PLD6: variants seen among roughly 807,000 people sequenced by gnomAD.
PLD6 encodes phospholipase D family member 6, also known as mitochondrial cardiolipin hydrolase.
PLD6 carries 10 observed loss-of-function variants against 9.7 expected under a neutral mutation model. That is an observed-to-expected ratio of 1.03 (90% confidence interval 0.64 to 1.75). The LOEUF (loss-of-function observed/expected upper bound fraction) is 1.75. Ranked by LOEUF, PLD6 falls within the 40% of genes most tolerant of loss-of-function variation. PLD6 has a pLI of 0.00. For synonymous variants in PLD6, 152 were observed against 159.2 expected, an observed-to-expected ratio of 0.96 and a Z score of 0.34; for missense variants, 334 against 347.6, an observed-to-expected ratio of 0.96 and a Z score of 0.31.
Position 17,202,608 on chromosome 17 carries a change from T to C in PLD6, c.*159A>G, listed in dbSNP as rs2144778402. ...AGAAAAAGGTCTGGCCCGAAATAACTGACCCGAAGTAACAGAAATTTCCCT... is the reference window on the plus strand; with the variant it reads ...AGAAAAAGGTCTGGCCCGAAATAACCGACCCGAAGTAACAGAAATTTCCCT... On this transcript the variant is annotated 3_prime_UTR_variant, in exon 2 of 2. Coordinates refer to ENST00000321560, the MANE Select transcript of PLD6 (RefSeq NM_178836.4). The C allele has an allele frequency of 1.3e-6, 1 of 742,292 alleles. No individual in the cohort carries two copies. The highest frequency in any genetic ancestry group is 2.1e-6 in the Non-Finnish European group (1 of 466,120). 46.0% of individuals were successfully genotyped at this position (742,292 alleles called of 1,614,324 possible). A position where few individuals can be genotyped will look rare whatever the true frequency, so the allele number is the denominator to read the frequency against.
In PLD6 at chr17:17,202,985, T is replaced by A; in HGVS notation, c.541A>T (p.Asn181Tyr). 1 of 1,614,212 alleles carries A rather than the reference T, an allele frequency of 6.2e-7. No homozygotes were observed. Among genetic ancestry groups the A allele is most frequent in the Non-Finnish European group, 8.5e-7 (1 of 1,180,040 alleles). ...GTGATGAGAACATTCTCCCTGTTGT[T>A]CTGGATGGCTTGCGTGGTCCAGTTG... is the stretch of plus-strand genomic sequence containing the variant. ...SLNWTTQAIQ[N>Y]NRENVLITED... is the part of the protein sequence containing the mutation. The change falls in exon 2 of 2, where the codon AAC (asparagine) becomes TAC (tyrosine). Residue 181 changes from asparagine (N) to tyrosine (Y), a missense_variant. Transcript: ENST00000321560.
intron 1 of PLD6, among the ~76,000 whole-genome samples, chr17:17,205,265 C>T (rs1361827966): frequency 6.6e-6 from 1 of 152,204 alleles, no homozygotes; most frequent in Non-Finnish European, 1.5e-5. Context: ...TGTTCCCCTC[C>T]TTTTGCAGCT....
rs563834117 is a variant in PLD6, at chr17:17,205,940, C to T, written c.347G>A (p.Arg116His). The change falls in exon 1 of 2, where the codon CGT becomes CAT. Residue 116 changes from arginine to histidine, a missense_variant. Coordinates refer to ENST00000321560, the MANE Select transcript of PLD6 (RefSeq NM_178836.4). ...LGRAVQLLHQ[R>H]GVRVRVVTDC... ...GGTGACGACCCGCACTCGCACCCCA[C>T]GCTGGTGCAGCAACTGCACGGCGCG... The T allele has an allele frequency of 7.0e-6, 11 of 1,563,848 alleles. No individual in the cohort carries two copies. The Admixed American group carries it at 1.5e-4, about 22-fold the overall frequency.
chr17:17,202,830 T>G lies in PLD6; in HGVS notation c.696A>C (p.Arg232Ser), dbSNP rs764739912. 1.9e-6 allele frequency: 3 copies of G among 1,614,064 alleles called. No homozygotes were observed. Among genetic ancestry groups the G allele is most frequent in the South Asian group, 2.2e-5 (2 of 91,084 alleles). Residue 232 changes from arginine (R) to serine (S), a missense_variant, in exon 2 of 2, where the codon AGA (arginine) becomes AGC (serine). By Grantham distance (110) the Arg-to-Ser change is moderately radical. Transcript: ENST00000321560. ...GCCATGAAAGCAATCTCCCTCCAGC[T>G]CTGGAGACAGGTGGGGCACAGCTTC... ...SHGSCAPPVS[R>S]AGGRLLSWHR...
In PLD6 at chr17:17,206,074, G is replaced by T; in HGVS notation, c.213C>A (p.Cys71Ter). Residue 71 changes from cysteine to a stop codon, truncating the protein, a stop_gained, in exon 1 of 2, where the codon TGC becomes TGA. Coordinates refer to ENST00000321560, the MANE Select transcript of PLD6 (RefSeq NM_178836.4). LOFTEE classifies it high-confidence loss of function. ...GCGCGCTCTCGCCGTGGGGCAGGCC[G>T]CACGGGCAGCCCTCGGGGAGCTCGG... ...ELAELPEGCPCGLPHGESALS... is the reference protein window; with the variant it reads ...ELAELPEGCP 6.6e-7 allele frequency: 1 copy of T among 1,507,606 alleles called. No individual in the cohort carries two copies. The highest frequency in any genetic ancestry group is 1.2e-5 in the South Asian group (1 of 80,166). 93.4% of individuals were successfully genotyped at this position (1,507,606 alleles called of 1,614,324 possible). A position where few individuals can be genotyped will look rare whatever the true frequency, so the allele number is the denominator to read the frequency against.
rs2046671608 is a variant in PLD6 at position 17,201,218 on chromosome 17, C to CT, written c.*1548dup. 6.6e-6 allele frequency: 1 copy of CT among 152,258 alleles called. No homozygotes were observed. Among genetic ancestry groups the CT allele is most frequent in the African/African-American group, 2.4e-5 (1 of 41,472 alleles). 9.4% of individuals were successfully genotyped at this position (152,258 alleles called of 1,614,324 possible). On this transcript the variant is annotated 3_prime_UTR_variant, in exon 2 of 2. Coordinates refer to ENST00000321560, the MANE Select transcript of PLD6 (RefSeq NM_178836.4). Reference sequence around the variant, plus strand: ...AACTTCCAAGCTGGCTTGCCTAACACTGTGAGTCAAAAGTAACCCTAAAAA... The same window carrying CT: ...AACTTCCAAGCTGGCTTGCCTAACACTTGTGAGTCAAAAGTAACCCTAAAAA...
At chr17:17,205,653 G>A (rs888213821) in intron 1 of PLD6, among the ~76,000 whole-genome samples, 5 of 152,230 alleles carry the variant, frequency 3.3e-5, no homozygotes, top group African/African-American at 1.2e-4. Context: ...CCGAGGGTCC[G>A]GCTCGCTTAT....
chr17:17,202,848 A>G lies in PLD6; in HGVS notation c.678T>C (p.Cys226=), dbSNP rs1440071905. 1 of 1,614,184 alleles carries G rather than the reference A, an allele frequency of 6.2e-7. No individual in the cohort carries two copies. Among genetic ancestry groups the G allele is most frequent in the Non-Finnish European group, 8.5e-7 (1 of 1,180,036 alleles). The change falls in exon 2 of 2, where the codon TGT becomes TGC. Residue 226 remains cysteine (C), a synonymous_variant. Coordinates refer to ENST00000321560, the MANE Select transcript of PLD6 (RefSeq NM_178836.4). The part of the protein sequence containing the change: ...FFPPKKSHGS[C]APPVSRAGGR... ...CTCCAGCTCTGGAGACAGGTGGGGC[A>G]CAGCTTCCGTGACTTTTCTTTGGTG...
In PLD6 at chr17:17,205,889, C is replaced by T; in HGVS notation, c.398G>A (p.Gly133Asp). Residue 133 changes from glycine (G) to aspartate (D), a missense_variant, in exon 1 of 2, where the codon GGC becomes GAC. Transcript: ENST00000321560. The stretch of plus-strand genomic sequence containing the variant: ...CTTGCGCAGCAGACCGATTTGCGAG[C>T]CGTTGAGGGCCATGTAGTCGCAGTC... ...VTDCDYMALN[G>D]SQIGLLRKAG... 1 of 1,575,810 alleles carries T rather than the reference C, an allele frequency of 6.3e-7. No homozygotes were observed. The highest frequency in any genetic ancestry group is 1.3e-5 in the African/African-American group (1 of 74,438).
Position 17,202,858 on chromosome 17 carries a change from T to A in PLD6, c.668A>T (p.His223Leu). ...KYTFFPPKKS[H>L]GSCAPPVSRA... Reference sequence around the variant, plus strand: ...GGAGACAGGTGGGGCACAGCTTCCGTGACTTTTCTTTGGTGGGAAAAAGGT... The same window carrying A: ...GGAGACAGGTGGGGCACAGCTTCCGAGACTTTTCTTTGGTGGGAAAAAGGT... The change falls in exon 2 of 2, where the codon CAC (histidine) becomes CTC (leucine). Residue 223 changes from histidine to leucine, a missense_variant. His to Leu is a moderately conservative substitution (Grantham distance 99). Coordinates refer to ENST00000321560, the MANE Select transcript of PLD6 (RefSeq NM_178836.4). The A allele has an allele frequency of 6.2e-7, 1 of 1,614,188 alleles. No individual in the cohort carries two copies. The highest frequency in any genetic ancestry group is 8.5e-7 in the Non-Finnish European group (1 of 1,180,034).
At chr17:17,205,745 A>G (rs565236172) in intron 1 of PLD6, 115 bp downstream of exon 1, 1 of 1,201,382 alleles carries the variant, frequency 8.3e-7, no homozygotes, top group Non-Finnish European at 1.1e-6. Flanking sequence ...GCCACGAGGA[A>G]AGTAAATGAG....
Position 17,203,101 on chromosome 17 carries a change from G to C in PLD6, c.428-3C>G. 2 of 1,611,962 alleles carry C rather than the reference G, an allele frequency of 1.2e-6. No homozygotes were observed. Among genetic ancestry groups the C allele is most frequent in the Non-Finnish European group, 1.7e-6 (2 of 1,178,308 alleles). On this transcript the variant is annotated splice_polypyrimidine_tract_variant and splice_region_variant and intron_variant, in intron 1 of 1. Transcript: ENST00000321560. ...TTGATCGTGCCGGACCTGGATCCCTGCAGAAAGGACAAGGTGATTTCATTC... is the reference window on the plus strand; with the variant it reads ...TTGATCGTGCCGGACCTGGATCCCTCCAGAAAGGACAAGGTGATTTCATTC...
At chr17:17,205,026 C>A (rs940061226) in intron 1 of PLD6, among the ~76,000 whole-genome samples, 1 of 152,108 alleles carries the variant, frequency 6.6e-6, no homozygotes, top group Admixed American at 6.5e-5. Context: ...ATTATCAGAT[C>A]CAACCGTTGC....
intron 1 of PLD6, among the ~76,000 whole-genome samples, chr17:17,205,345 G>A (rs2046708402): frequency 6.6e-6 from 1 of 152,220 alleles, no homozygotes; most frequent in Non-Finnish European, 1.5e-5. Flanking sequence ...CCAGTGGCCT[G>A]AGATTCACTG....
rs1435201066 is a variant in PLD6 at position 17,205,852 on chromosome 17, G to A, written c.427+8C>T. 4.5e-6 allele frequency: 7 copies of A among 1,560,894 alleles called. No homozygotes were observed. The highest frequency in any genetic ancestry group is 2.4e-5 in the East Asian group (1 of 42,046). On this transcript the variant is annotated splice_region_variant and intron_variant, in intron 1 of 1. Coordinates refer to ENST00000321560, the MANE Select transcript of PLD6 (RefSeq NM_178836.4). ...CGGCCTTCTCCGCTTGGACCCCGCC[G>A]GGCCTACCTGCCTTGCGCAGCAGAC...
chr17:17,205,775 C>A, intron 1 of PLD6, 85 bp downstream of exon 1: 1 of 1,445,282 alleles, frequency 6.9e-7, no homozygotes, highest in Non-Finnish European at 9.3e-7. Context: ...CGTCCCCAGA[C>A]CCCCTCCCCT....
At position 17,203,084 on chromosome 17, in the gene PLD6, G is replaced by T; in HGVS notation, c.442C>A (p.His148Asn). Residue 148 changes from histidine to asparagine, a missense_variant, in exon 2 of 2, where the codon CAC becomes AAC. His to Asn is a moderately conservative substitution (Grantham distance 68, BLOSUM62 1). Coordinates refer to ENST00000321560, the MANE Select transcript of PLD6 (RefSeq NM_178836.4). ...LLRKAGIQVR[H>N]DQDPGYMHHK... ...TGCATGTAGCCTGGGTCTTGATCGTGCCGGACCTGGATCCCTGCAGAAAGG... is the reference window on the plus strand; with the variant it reads ...TGCATGTAGCCTGGGTCTTGATCGTTCCGGACCTGGATCCCTGCAGAAAGG... 6.2e-7 allele frequency: 1 copy of T among 1,613,458 alleles called. No homozygotes were observed. Among genetic ancestry groups the T allele is most frequent in the East Asian group, 2.2e-5 (1 of 44,852 alleles).
intron 1 of PLD6, 48 bp downstream of exon 1, chr17:17,205,812 C>T: frequency 6.5e-7 from 1 of 1,539,174 alleles, no homozygotes; most frequent in Non-Finnish European, 8.7e-7. Flanking sequence ...GCCTAGGACC[C>T]CGCGTGGGCC....
chr17:17,205,973 T>G lies in PLD6; in HGVS notation c.314A>C (p.Gln105Pro). The G allele has an allele frequency of 1.3e-6, 2 of 1,555,426 alleles. No individual in the cohort carries two copies. Among genetic ancestry groups the G allele is most frequent in the Admixed American group, 1.9e-5 (1 of 51,864 alleles). ...DLCLFAFSSP[Q>P]LGRAVQLLHQ... Reference sequence around the variant, plus strand: ...CAGCAACTGCACGGCGCGGCCCAGCTGCGGGCTGGAGAAGGCGAACAGGCA... The same window carrying G: ...CAGCAACTGCACGGCGCGGCCCAGCGGCGGGCTGGAGAAGGCGAACAGGCA... The change falls in exon 1 of 2, where the codon CAG (glutamine) becomes CCG (proline). Residue 105 changes from glutamine to proline, a missense_variant. Transcript: ENST00000321560.
Sources: allele counts gnomAD v4.1 joint callset (sites outside exome capture counted in the v4.1 genomes callset), GRCh38; gene constraint gnomAD v4.1.1; transcripts MANE v1.5; gene names NCBI Gene and HGNC (gene_info 2026-07-23, HGNC 2026-07-21).